The following NXPH1 variants were observed in gnomAD, a reference collection of about 807,000 sequenced individuals.
NXPH1 encodes neurexophilin-1.
In NXPH1, 5 loss-of-function variants were observed where a neutral mutation model predicts 23.7. That is an observed-to-expected ratio of 0.21 (90% confidence interval 0.11 to 0.44). The LOEUF (loss-of-function observed/expected upper bound fraction) is 0.44, where lower values mean the gene tolerates loss of function less well. Among genes scored for constraint, NXPH1 ranks in the 20% least tolerant of loss-of-function variants. The pLI is 0.99. For synonymous variants in NXPH1, 144 were observed against 122.2 expected, an observed-to-expected ratio of 1.18 and a Z score of -1.18; for missense variants, 324 against 321.6, an observed-to-expected ratio of 1.01 and a Z score of -0.06.
At chr7:8,647,902 T>C (rs561618238) in intron 2 of NXPH1, among the ~76,000 whole-genome samples, 1 of 152,192 alleles carries the variant, frequency 6.6e-6, no homozygotes, top group Non-Finnish European at 1.5e-5. Flanking sequence ...GTTTAAAAAT[T>C]TGAAATATAT....
Position 8,692,897 on chromosome 7 carries a change from G to A in NXPH1, c.55-58111G>A, listed in dbSNP as rs546533669. 1.6e-3 allele frequency among the ~76,000 whole-genome samples: 245 copies of A among 152,202 alleles called. 1 individual carries two copies. The highest frequency in any genetic ancestry group is 1.2e-3 in the Non-Finnish European group (81 of 68,026). ...TGACAAGGAAGAAGGGGATTTGAAC[G>A]AATCACCCTTAGACAAAACACCGCC... On this transcript the variant is annotated intron_variant, in intron 2 of 2. Coordinates refer to ENST00000405863, the MANE Select transcript of NXPH1 (RefSeq NM_152745.3).
intron 2 of NXPH1, among the ~76,000 whole-genome samples, chr7:8,527,925 A>G (rs1452417830): frequency 6.6e-6 from 1 of 152,232 alleles, no homozygotes; most frequent in African/African-American, 2.4e-5. Flanking sequence ...GACCCGTGAC[A>G]TGCTATCTAT....
At chr7:8,505,713 A>G (rs1817510818) in intron 2 of NXPH1, among the ~76,000 whole-genome samples, 1 of 152,096 alleles carries the variant, frequency 6.6e-6, no homozygotes, top group South Asian at 2.1e-4. Flanking sequence ...TACACTGAAC[A>G]TTCAATCATT....
intron 2 of NXPH1, among the ~76,000 whole-genome samples, chr7:8,662,298 T>G (rs983322199): frequency 5.9e-5 from 9 of 152,190 alleles, no homozygotes; most frequent in African/African-American, 2.2e-4. Flanking sequence ...AATTTGTAAC[T>G]GGCACTACAT....
chr7:8,716,669 GTATTACTGGGA>G (rs370037127), intron 2 of NXPH1, among the ~76,000 whole-genome samples: 43 of 152,186 alleles, frequency 2.8e-4, no homozygotes, highest in African/African-American at 1.0e-3. Context: ...TGTTAAAAGG[GTATTACTGGGA>G]TATGTCTGTG....
At position 8,678,232 on chromosome 7, in the gene NXPH1, G is replaced by T. The variant is rs914418650; in HGVS notation, c.55-72776G>T. Among the ~76,000 whole-genome samples the T allele has an allele frequency of 2.0e-5, 3 of 152,216 alleles. No individual in the cohort carries two copies. The South Asian group carries it at 6.2e-4, about 32-fold the overall frequency. On this transcript the variant is annotated intron_variant, in intron 2 of 2. Coordinates refer to ENST00000405863, the MANE Select transcript of NXPH1 (RefSeq NM_152745.3). ...GGGTCTACAAAACTCACCAAGTTAT[G>T]GGTTCAGAAGCAGGTTATGCCAGCC...
At position 8,572,707 on chromosome 7, in the gene NXPH1, C is replaced by T. The variant is rs146934875; in HGVS notation, c.54+136940C>T. Among the ~76,000 whole-genome samples the T allele has an allele frequency of 2.6e-3, 391 of 151,842 alleles. 5 individuals are homozygous for T. The highest frequency in any genetic ancestry group is 9.0e-3 in the African/African-American group (371 of 41,442). The stretch of plus-strand genomic sequence containing the variant: ...TAATACATAATGGAAACCTCCTTTT[C>T]GGTTGGATCTGTTTTTTAAAATTTT... On this transcript the variant is annotated intron_variant, in intron 2 of 2. Transcript: ENST00000405863.
chr7:8,578,907 T>C (rs1425655769), intron 2 of NXPH1, among the ~76,000 whole-genome samples: 1 of 152,238 alleles, frequency 6.6e-6, no homozygotes, highest in Non-Finnish European at 1.5e-5. Flanking sequence ...CAGAATATTC[T>C]AGGCATATTA....
At chr7:8,656,667 A>G (rs1006152083) in intron 2 of NXPH1, among the ~76,000 whole-genome samples, 2 of 151,876 alleles carry the variant, frequency 1.3e-5, no homozygotes, top group East Asian at 3.9e-4. Flanking sequence ...AGCATTAGGT[A>G]TATCTCCCAA....
intron 2 of NXPH1, among the ~76,000 whole-genome samples, chr7:8,521,858 A>G (rs1260067576): frequency 6.6e-6 from 1 of 152,136 alleles, no homozygotes; most frequent in Non-Finnish European, 1.5e-5. Context: ...GTGTGGGTGG[A>G]AGCGATTTGA....
Position 8,435,966 on chromosome 7 carries a change from C to A in NXPH1, c.54+199C>A, listed in dbSNP as rs968829809. Among the ~76,000 whole-genome samples the A allele has an allele frequency of 6.6e-6, 1 of 152,176 alleles. No individual in the cohort carries two copies. Among genetic ancestry groups the A allele is most frequent in the African/African-American group, 2.4e-5 (1 of 41,448 alleles). ...TTCCCACCCCATTTTCTGCTCCAAT[C>A]CCCCAGTCTCCTGCGCGTGATTCTT... is the stretch of plus-strand genomic sequence containing the variant. On this transcript the variant is annotated intron_variant, in intron 2 of 2. Transcript: ENST00000405863. The surrounding 1 kb of genome is among the most constrained non-coding windows in gnomAD (Gnocchi z 5.9).
intron 2 of NXPH1, among the ~76,000 whole-genome samples, chr7:8,681,247 T>C (rs148621373): frequency 1.3e-5 from 2 of 152,338 alleles, no homozygotes; most frequent in East Asian, 3.9e-4. Context: ...TATCACACCA[T>C]CTTTCATATA....
intron 2 of NXPH1, among the ~76,000 whole-genome samples, chr7:8,660,021 C>G (rs1013174604): frequency 3.9e-5 from 6 of 152,170 alleles, no homozygotes; most frequent in African/African-American, 1.4e-4. Context: ...GGAGCAGAAT[C>G]CTGCTTGAGA....
chr7:8,731,730 A>G (rs1339013266), intron 2 of NXPH1, among the ~76,000 whole-genome samples: 1 of 152,224 alleles, frequency 6.6e-6, no homozygotes, highest in Non-Finnish European at 1.5e-5. Flanking sequence ...TGGGAGAACC[A>G]CTGCTCTCTT....
intron 2 of NXPH1, among the ~76,000 whole-genome samples, chr7:8,567,122 G>A (rs1005724341): frequency 1.3e-5 from 2 of 151,860 alleles, no homozygotes; most frequent in African/African-American, 4.8e-5. Context: ...TTTGGCTCTG[G>A]TCCCTTATAC....
chr7:8,488,024 A>G (rs985196048), intron 2 of NXPH1, among the ~76,000 whole-genome samples: 2 of 152,164 alleles, frequency 1.3e-5, no homozygotes, highest in African/African-American at 4.8e-5. Flanking sequence ...TTAGGTACTT[A>G]TCAGGCTCTG....
chr7:8,650,825 T>C (rs1479095425), intron 2 of NXPH1, among the ~76,000 whole-genome samples: 1 of 152,198 alleles, frequency 6.6e-6, no homozygotes, highest in Non-Finnish European at 1.5e-5. Context: ...AAGTAGTATT[T>C]AGTCTTATTC....
chr7:8,540,629 T>C (rs1818100765), intron 2 of NXPH1, among the ~76,000 whole-genome samples: 2 of 151,726 alleles, frequency 1.3e-5, no homozygotes, highest in African/African-American at 4.8e-5. Flanking sequence ...GAGCTGCTTT[T>C]AAAGAGAATT....
intron 2 of NXPH1, among the ~76,000 whole-genome samples, chr7:8,528,616 C>T (rs1446382715): frequency 1.3e-5 from 2 of 152,212 alleles, no homozygotes; most frequent in African/African-American, 4.8e-5. Context: ...TCTTCTCCCT[C>T]ATTCTTCTTT....
Sources: gnomAD v4.1 joint callset for allele counts (sites outside exome capture counted in the v4.1 genomes callset) on GRCh38, gnomAD v4.1.1 for gene constraint, Gnocchi (gnomAD v3.1) non-coding constraint, MANE v1.5 for transcripts, NCBI Gene and HGNC (gene_info 2026-07-23, HGNC 2026-07-21) for gene names.